Variants in PPIP5K2 observed in about 807,000 individuals in gnomAD.
PPIP5K2 encodes inositol hexakisphosphate and diphosphoinositol-pentakisphosphate kinase 2.
Under a neutral mutation model 154.6 loss-of-function variants are expected in PPIP5K2, and 105 were observed. The ratio of observed to expected loss-of-function variants is 0.68; its 90% CI spans 0.58 to 0.80. The LOEUF is 0.80. Among genes scored for constraint, PPIP5K2 ranks in the 30% least tolerant of loss-of-function variants. The pLI is 0.00. For synonymous variants in PPIP5K2, 480 were observed against 490.3 expected, an observed-to-expected ratio of 0.98 and a Z score of 0.28; for missense variants, 992 against 1,504.6, an observed-to-expected ratio of 0.66 and a Z score of 5.64.
Position 103,209,716 on chromosome 5 carries a change from G to T in PPIP5K2, c.*8082G>T, listed in dbSNP as rs1803701165. On this transcript the variant is annotated 3_prime_UTR_variant, in exon 31 of 31. Coordinates refer to ENST00000358359, the MANE Select transcript of PPIP5K2 (RefSeq NM_001276277.3). ...GATTTGTCTTAAGTTAGTCAATGCT[G>T]AATAGAAAGCTTGATGATAAAGGTG... The T allele has an allele frequency of 6.6e-6, 1 of 152,100 alleles. No individual in the cohort carries two copies. The highest frequency in any genetic ancestry group is 2.4e-5 in the African/African-American group (1 of 41,416). 9.4% of individuals were successfully genotyped at this position (152,100 alleles called of 1,614,324 possible). A position where few individuals can be genotyped will look rare whatever the true frequency, so the allele number is the denominator to read the frequency against.
At chr5:103,183,213 T>TG (rs1554223611) in intron 24 of PPIP5K2, 21 bp from the exon 25 acceptor site, 4 of 466,356 alleles carry the variant, frequency 8.6e-6, no homozygotes, top group Non-Finnish European at 1.3e-5. Context: ...TTTTTTTTTT[T>TG]GCCCCCTTTC....
rs34767 is a variant in PPIP5K2 at position 103,153,807 on chromosome 5, T to G, written c.1131-41T>G. On this transcript the variant is annotated intron_variant, in intron 10 of 30. Coordinates refer to ENST00000358359, the MANE Select transcript of PPIP5K2 (RefSeq NM_001276277.3). ...TAATCTGAATTATACAACACAAATC[T>G]TTTTTAGAGAATTAAGAACATATAT... The G allele has an allele frequency of 0.28, 392,318 of 1,400,242 alleles. 58,656 individuals are homozygous for G. The highest frequency in any genetic ancestry group is 0.45 in the East Asian group (19,109 of 42,258). The allele number at this position is 1,400,242 out of a possible 1,614,324, so 86.7% of individuals were successfully genotyped here. A position where few individuals can be genotyped will look rare whatever the true frequency, so the allele number is the denominator to read the frequency against.
intron 8 of PPIP5K2, among the ~76,000 whole-genome samples, chr5:103,150,405 GC>G (rs1359629006): frequency 6.6e-6 from 1 of 152,104 alleles, no homozygotes; most frequent in Non-Finnish European, 1.5e-5. Context: ...ATGCCTTTTG[GC>G]CATTTTCTTC....
At chr5:103,152,897 C>T (rs576835706) in intron 10 of PPIP5K2, 148 bp downstream of exon 10, 7 of 528,758 alleles carry the variant, frequency 1.3e-5, no homozygotes, top group South Asian at 5.9e-5. Context: ...GTAGATTATA[C>T]GTATTTATAA....
At chr5:103,168,620 A>G (rs1370537865) in intron 19 of PPIP5K2, among the ~76,000 whole-genome samples, 1 of 151,682 alleles carries the variant, frequency 6.6e-6, no homozygotes, top group African/African-American at 2.4e-5. Context: ...CCTCCCCCGC[A>G]TTATGATTGT....
At chr5:103,166,942 G>C (rs1246966457) in intron 17 of PPIP5K2, among the ~76,000 whole-genome samples, 3 of 151,910 alleles carry the variant, frequency 2.0e-5, no homozygotes, top group Non-Finnish European at 1.5e-5. Flanking sequence ...GAAGGAGGTG[G>C]AAGGGGAGGC....
At chr5:103,143,650 G>T (rs1385034817) in intron 5 of PPIP5K2, among the ~76,000 whole-genome samples, 5 of 152,064 alleles carry the variant, frequency 3.3e-5, no homozygotes, top group Non-Finnish European at 7.4e-5. Context: ...GTTGCTAAAT[G>T]GATTAAAAAA....
At position 103,142,167 on chromosome 5, in the gene PPIP5K2, G is replaced by C. The variant is rs527312204; in HGVS notation, c.487+3698G>C. Among the ~76,000 whole-genome samples the C allele has an allele frequency of 1.2e-3, 188 of 152,324 alleles. No homozygotes were observed. The Middle Eastern group carries it at 0.014, about 11-fold the overall frequency. On this transcript the variant is annotated intron_variant, in intron 5 of 30. Coordinates refer to ENST00000358359, the MANE Select transcript of PPIP5K2 (RefSeq NM_001276277.3). ...TCAGGCATAGCAGGCTGCAGGTCCC[G>C]AGCCCTGCCCTGCGGGAAGGCAGCT...
Position 103,151,355 on chromosome 5 carries a change from G to A in PPIP5K2, c.1009G>A (p.Asp337Asn), listed in dbSNP as rs1794621189. 1 of 1,605,908 alleles carries A rather than the reference G, an allele frequency of 6.2e-7. No homozygotes were observed. The highest frequency in any genetic ancestry group is 1.3e-5 in the African/African-American group (1 of 74,572). ...GAAAAATTCCATGAAGTATTATGAT[G>A]ACTGTGCAAAAATACTTGGGTAAGA... is the stretch of plus-strand genomic sequence containing the variant. ...FVKNSMKYYD[D>N]CAKILGNIVM... The change falls in exon 9 of 31, where the codon GAC becomes AAC. Residue 337 changes from aspartate to asparagine, a missense_variant. Transcript: ENST00000358359.
rs550766253 is a variant in PPIP5K2 at position 103,157,668 on chromosome 5, C to T, written c.1490-520C>T. 2.6e-5 allele frequency among the ~76,000 whole-genome samples: 4 copies of T among 151,254 alleles called. No individual in the cohort carries two copies. The East Asian group carries it at 7.8e-4, about 30-fold the overall frequency. On this transcript the variant is annotated intron_variant, in intron 14 of 30. Coordinates refer to ENST00000358359, the MANE Select transcript of PPIP5K2 (RefSeq NM_001276277.3). ...GTAGAGCCAAGATCGTGCCATTGCA[C>T]TCCAGCCAGGGCGACCAAGCGAGAC...
rs782700844 is a variant in PPIP5K2, at chr5:103,180,059, T to A, written c.2793T>A (p.Asp931Glu). The A allele has an allele frequency of 1.3e-6, 2 of 1,580,478 alleles. No individual in the cohort carries two copies. The highest frequency in any genetic ancestry group is 4.7e-5 in the East Asian group (2 of 42,806). The change falls in exon 24 of 31, where the codon GAT (aspartate) becomes GAA (glutamate). Residue 931 changes from aspartate (D) to glutamate (E), a missense_variant. Around this residue, in one of 9 missense-constraint regions of PPIP5K2, gnomAD observed 204 missense variants for 224.0 expected, o/e 0.91. Coordinates refer to ENST00000358359, the MANE Select transcript of PPIP5K2 (RefSeq NM_001276277.3). ...GACCTTTTAAAATTGATAATGATGA[T>A]GAACCACATACTTCTAAAAGAGATG... ...GRRPFKIDND[D>E]EPHTSKRDEV...
In PPIP5K2 at chr5:103,183,202, TTTTTTTTTTTTGC is replaced by T; in HGVS notation, c.2923-31_2923-19del. 1 of 985,834 alleles carries T rather than the reference TTTTTTTTTTTTGC, an allele frequency of 1.0e-6. No individual in the cohort carries two copies. The allele number at this position is 985,834 out of a possible 1,614,324, so 61.1% of individuals were successfully genotyped here. A position where few individuals can be genotyped will look rare whatever the true frequency, so the allele number is the denominator to read the frequency against. ...TTTTTTTTTTTTTTTTTTTTTTTTT[TTTTTTTTTTTTGC>T]CCCCTTTCTCACTTCCAGGAAGAGA... On this transcript the variant is annotated intron_variant, in intron 24 of 30. Coordinates refer to ENST00000358359, the MANE Select transcript of PPIP5K2 (RefSeq NM_001276277.3).
chr5:103,190,724 A>ACAGAGATATTG, intron 28 of PPIP5K2, 118 bp from the exon 29 acceptor site: 1 of 797,118 alleles, frequency 1.3e-6, no homozygotes, highest in Non-Finnish European at 1.8e-6. Context: ...GTGTGTTTGC[A>ACAGAGATATTG]TGTGATAGAC....
At chr5:103,201,157 T>G (rs941291675) in intron 30 of PPIP5K2, among the ~76,000 whole-genome samples, 14 of 152,194 alleles carry the variant, frequency 9.2e-5, no homozygotes, top group Non-Finnish European at 4.4e-5. Context: ...AAAGAAAGTT[T>G]CAATTGGCAG....
intron 18 of PPIP5K2, 151 bp from the exon 19 acceptor site, chr5:103,167,921 T>C (rs1562456805): frequency 2.0e-6 from 1 of 494,368 alleles, no homozygotes; most frequent in Non-Finnish European, 3.5e-6. Flanking sequence ...AAAAGATATA[T>C]GGTTGCTAGT....
rs993871812 is a variant in PPIP5K2 at position 103,206,165 on chromosome 5, C to G, written c.*4531C>G. 5 of 152,104 alleles carry G rather than the reference C, an allele frequency of 3.3e-5. No individual in the cohort carries two copies. Among genetic ancestry groups the G allele is most frequent in the African/African-American group, 1.2e-4 (5 of 41,420 alleles). 9.4% of individuals were successfully genotyped at this position (152,104 alleles called of 1,614,324 possible). On this transcript the variant is annotated 3_prime_UTR_variant, in exon 31 of 31. Transcript: ENST00000358359. ...TGTATTATTACACATTTCTGAAGGT[C>G]CAAAGGTGGGGTTGGCTTCAGCCAC...
At chr5:103,176,962 A>G (rs1554221168) in intron 21 of PPIP5K2, 7 of 1,347,862 alleles carry the variant, frequency 5.2e-6, no homozygotes, top group Non-Finnish European at 6.1e-6. Flanking sequence ...TTTGAATATC[A>G]CTTCAGTGTA....
Position 103,136,798 on chromosome 5 carries a change from A to C in PPIP5K2, c.377A>C (p.Asn126Thr). The change falls in exon 4 of 31, where the codon AAT becomes ACT. Residue 126 changes from asparagine (N) to threonine (T), a missense_variant. Physicochemically the swap from Asn to Thr is moderately conservative, Grantham distance 65. Transcript: ENST00000358359. ...LRNPFVINDLNMQYLIQDRRE... is the reference protein window; with the variant it reads ...LRNPFVINDLTMQYLIQDRRE... ...AATCCATTTGTAATCAATGACTTGAATATGCAGTATCTCATACAAGATAGG... is the reference window on the plus strand; with the variant it reads ...AATCCATTTGTAATCAATGACTTGACTATGCAGTATCTCATACAAGATAGG... The C allele has an allele frequency of 2.5e-6, 4 of 1,613,520 alleles. No homozygotes were observed. Among genetic ancestry groups the C allele is most frequent in the Non-Finnish European group, 3.4e-6 (4 of 1,179,524 alleles).
intron 27 of PPIP5K2, 116 bp downstream of exon 27, chr5:103,186,555 C>T: frequency 7.0e-7 from 1 of 1,435,598 alleles, no homozygotes; most frequent in African/African-American, 1.4e-5. Flanking sequence ...ATCCTGTCAT[C>T]TTTTGCCTAA....
Sources: allele counts gnomAD v4.1 joint callset (sites outside exome capture counted in the v4.1 genomes callset), GRCh38; gene constraint gnomAD v4.1.1; regional missense constraint gnomAD v4.1.1; transcripts MANE v1.5; gene names NCBI Gene and HGNC (gene_info 2026-07-23, HGNC 2026-07-21).